The following CEP290 variants were observed in gnomAD, a reference collection of about 807,000 sequenced individuals.
The protein encoded by CEP290 is centrosomal protein 290, also known as centrosomal protein of 290 kDa.
CEP290 carries 317 observed loss-of-function variants against 344.9 expected under a neutral mutation model. The observed-to-expected ratio is 0.92, with a 90% CI of 0.84 to 1.01. CEP290 has a LOEUF of 1.01. CEP290 is among the 50% of genes least tolerant of loss of function. CEP290 has a pLI of 0.00. For missense variants in CEP290, 2,754 were observed against 2,761.4 expected, an observed-to-expected ratio of 1.00 and a Z score of 0.06; for synonymous variants, 932 against 895.8, an observed-to-expected ratio of 1.04 and a Z score of -0.72.
chr12:88,123,936 A>T (rs2039571319), intron 13 of CEP290, among the ~76,000 whole-genome samples: 1 of 151,942 alleles, frequency 6.6e-6, no homozygotes, highest in African/African-American at 2.4e-5. Flanking sequence ...CACATCCTAC[A>T]TCTGATCTGT....
rs2039375911 is a variant in CEP290 at position 88,121,175 on chromosome 12, T to C, written c.1190-9A>G. 1 of 1,599,938 alleles carries C rather than the reference T, an allele frequency of 6.3e-7. No individual in the cohort carries two copies. The highest frequency in any genetic ancestry group is 8.5e-7 in the Non-Finnish European group (1 of 1,174,034). On this transcript the variant is annotated splice_polypyrimidine_tract_variant and intron_variant, in intron 13 of 53. Transcript: ENST00000552810. ...AGAAAGGGTTGAAGCACCTACAGAGTAAAAACAAAAATCATGAATTGAATT... is the reference window on the plus strand; with the variant it reads ...AGAAAGGGTTGAAGCACCTACAGAGCAAAAACAAAAATCATGAATTGAATT...
chr12:88,093,992 T>A lies in CEP290; in HGVS notation c.3104-17A>T, dbSNP rs759744723. 6.4e-7 allele frequency: 1 copy of A among 1,561,166 alleles called. No individual in the cohort carries two copies. Among genetic ancestry groups the A allele is most frequent in the African/African-American group, 1.4e-5 (1 of 73,126 alleles). On this transcript the variant is annotated splice_polypyrimidine_tract_variant and intron_variant, in intron 27 of 53. Transcript: ENST00000552810. Reference sequence around the variant, plus strand: ...ATTCATTACCTACATGCAATAATATTTAAGTCAATCTCATGCTGTTTATAT... The same window carrying A: ...ATTCATTACCTACATGCAATAATATATAAGTCAATCTCATGCTGTTTATAT...
chr12:88,123,571 G>T (rs1051394814), intron 13 of CEP290, among the ~76,000 whole-genome samples: 5 of 151,960 alleles, frequency 3.3e-5, no homozygotes, highest in Non-Finnish European at 7.4e-5. Context: ...AGCTCTCTGG[G>T]CTTTCCTTTT....
At chr12:88,073,806 A>C (rs985866140) in intron 41 of CEP290, among the ~76,000 whole-genome samples, 9 of 152,278 alleles carry the variant, frequency 5.9e-5, no homozygotes, top group African/African-American at 2.2e-4. Context: ...AATTCTCACT[A>C]AGATTAGTTG....
At chr12:88,091,624 A>G (rs543457075) in intron 29 of CEP290, among the ~76,000 whole-genome samples, 1 of 152,252 alleles carries the variant, frequency 6.6e-6, no homozygotes, top group Non-Finnish European at 1.5e-5. Flanking sequence ...ATGAACTATT[A>G]TAAGTTAGTT....
At position 88,112,352 on chromosome 12, in the gene CEP290, T is replaced by C. The variant is rs373173303; in HGVS notation, c.2053-494A>G. Among the ~76,000 whole-genome samples, 95 of 152,232 alleles carry C rather than the reference T, an allele frequency of 6.2e-4. 2 individuals are homozygous for C. The highest frequency in any genetic ancestry group is 3.4e-3 in the Middle Eastern group (1 of 294). The stretch of plus-strand genomic sequence containing the variant: ...AGGAATGGAATACAATATTGAACAA[T>C]TGATCAATACAACATTCAATTAAGT... On this transcript the variant is annotated intron_variant, in intron 20 of 53. Coordinates refer to ENST00000552810, the MANE Select transcript of CEP290 (RefSeq NM_025114.4).
Position 88,087,776 on chromosome 12 carries a change from A to C in CEP290, c.4194+4T>G. The C allele has an allele frequency of 2.5e-6, 3 of 1,215,696 alleles. No homozygotes were observed. Among genetic ancestry groups the C allele is most frequent in the Non-Finnish European group, 3.2e-6 (3 of 940,318 alleles). 75.3% of individuals were successfully genotyped at this position (1,215,696 alleles called of 1,614,324 possible). ...AAAAAAATGAAATAAATATAAAATA[A>C]AACCTTGTTCTGTTGCACAATTTCT... On this transcript the variant is annotated splice_donor_region_variant and intron_variant, in intron 32 of 53. Coordinates refer to ENST00000552810, the MANE Select transcript of CEP290 (RefSeq NM_025114.4).
Position 88,107,086 on chromosome 12 carries a change from G to T in CEP290, c.2496C>A (p.Thr832=). 6.5e-7 allele frequency: 1 copy of T among 1,536,464 alleles called. No individual in the cohort carries two copies. The stretch of plus-strand genomic sequence containing the variant: ...TTATTGTTTTAGATTCTGTTTTCCA[G>T]GTCTCCTTTTCACTAAAAACAAAAC... ...LYKEYLSEKE[T]WKTESKTIKE... is the part of the protein sequence containing the mutation. Residue 832 remains threonine, a synonymous_variant, in exon 24 of 54, where the codon ACC becomes ACA. Transcript: ENST00000552810.
Position 88,093,928 on chromosome 12 carries a change from C to A in CEP290, c.3151G>T (p.Asp1051Tyr). The A allele has an allele frequency of 6.2e-7, 1 of 1,612,316 alleles. No individual in the cohort carries two copies. Among genetic ancestry groups the A allele is most frequent in the Non-Finnish European group, 8.5e-7 (1 of 1,179,294 alleles). ...ATTTTTTTTGAAATGGAAACAATGTCACTGTTGGTTATTGATTTCTTTGCC... is the reference window on the plus strand; with the variant it reads ...ATTTTTTTTGAAATGGAAACAATGTAACTGTTGGTTATTGATTTCTTTGCC... ...DKAKKSITNSDIVSISKKITM... is the reference protein window; with the variant it reads ...DKAKKSITNSYIVSISKKITM... The change falls in exon 28 of 54, where the codon GAC (aspartate) becomes TAC (tyrosine). Residue 1051 changes from aspartate to tyrosine, a missense_variant. Asp to Tyr is a radical substitution (Grantham distance 160, BLOSUM62 -3). Coordinates refer to ENST00000552810, the MANE Select transcript of CEP290 (RefSeq NM_025114.4).
At chr12:88,091,304 C>A (rs1218408051) in intron 29 of CEP290, among the ~76,000 whole-genome samples, 5 of 151,434 alleles carry the variant, frequency 3.3e-5, no homozygotes, top group African/African-American at 9.7e-5. Context: ...TGTAAAATTT[C>A]TAGGATCCTT....
chr12:88,090,813 C>T lies in CEP290; in HGVS notation c.3488G>A (p.Arg1163Lys), dbSNP rs1404095603. The T allele has an allele frequency of 3.2e-6, 5 of 1,557,362 alleles. No individual in the cohort carries two copies. The highest frequency in any genetic ancestry group is 1.9e-5 in the Admixed American group (1 of 51,530). ...TGCATTCAAAATTTCAACTTGTCTTCTGGCAATATCAGAAATCTCTCTCAG... is the reference window on the plus strand; with the variant it reads ...TGCATTCAAAATTTCAACTTGTCTTTTGGCAATATCAGAAATCTCTCTCAG... The part of the protein sequence containing the change: ...SKLREISDIA[R>K]RQVEILNAQQ... The change falls in exon 30 of 54, where the codon AGA becomes AAA. Residue 1163 changes from arginine (R) to lysine (K), a missense_variant. Physicochemically the swap from Arg to Lys is conservative, Grantham distance 26. Transcript: ENST00000552810.
chr12:88,096,008 A>AG (rs1355430309), intron 27 of CEP290, among the ~76,000 whole-genome samples: 1 of 152,002 alleles, frequency 6.6e-6, no homozygotes, highest in African/African-American at 2.4e-5. Context: ...CAAACACATT[A>AG]GGCTATTGTA....
chr12:88,102,770 C>A, intron 26 of CEP290, 68 bp downstream of exon 26: 4 of 1,325,824 alleles, frequency 3.0e-6, no homozygotes, highest in South Asian at 1.4e-5. Context: ...CTGCCAAATC[C>A]CCCCAAACAC....
At chr12:88,123,597 G>C (rs977639813) in intron 13 of CEP290, among the ~76,000 whole-genome samples, 2 of 151,974 alleles carry the variant, frequency 1.3e-5, no homozygotes, top group South Asian at 4.1e-4. Flanking sequence ...TCCTTTGGTA[G>C]CTCCTTTTTA....
At chr12:88,055,467 A>T in intron 50 of CEP290, 109 bp downstream of exon 50, 1 of 932,358 alleles carries the variant, frequency 1.1e-6, no homozygotes, top group Non-Finnish European at 1.5e-6. Flanking sequence ...CCCTTCAGTT[A>T]GATGGGTCTT....
chr12:88,133,256 T>G (rs552072292), intron 6 of CEP290, among the ~76,000 whole-genome samples: 1 of 152,022 alleles, frequency 6.6e-6, no homozygotes, highest in East Asian at 1.9e-4. Flanking sequence ...TTGTTTGTTT[T>G]GTTTTGTTTT....
intron 37 of CEP290, among the ~76,000 whole-genome samples, chr12:88,082,009 T>C (rs1451852280): frequency 2.0e-5 from 3 of 152,198 alleles, no homozygotes; most frequent in East Asian, 1.9e-4. Context: ...GCAAAAATAG[T>C]GTTAATTCTG....
At chr12:88,080,666 T>C (rs1247763626) in intron 37 of CEP290, among the ~76,000 whole-genome samples, 1 of 152,140 alleles carries the variant, frequency 6.6e-6, no homozygotes, top group Non-Finnish European at 1.5e-5. Flanking sequence ...TGACCTCAGG[T>C]GATAAGCCCG....
At chr12:88,132,560 T>A (rs1286504231) in intron 6 of CEP290, among the ~76,000 whole-genome samples, 3 of 152,346 alleles carry the variant, frequency 2.0e-5, no homozygotes, top group African/African-American at 7.2e-5. Context: ...CAAAGTATCA[T>A]ATCTGCAATT....
Sources: gnomAD v4.1 joint callset for allele counts (sites outside exome capture counted in the v4.1 genomes callset) on GRCh38, gnomAD v4.1.1 for gene constraint, MANE v1.5 for transcripts, NCBI Gene and HGNC (gene_info 2026-07-23, HGNC 2026-07-21) for gene names.